The following PPP6R3 variants were observed in gnomAD, a reference collection of about 807,000 sequenced individuals.
The protein encoded by PPP6R3 is serine/threonine-protein phosphatase 6 regulatory subunit 3.
PPP6R3 carries 38 observed loss-of-function variants against 110.7 expected under a neutral mutation model. The ratio of observed to expected loss-of-function variants is 0.34; its 90% CI spans 0.26 to 0.45. The LOEUF is 0.45. Ranked by LOEUF, PPP6R3 falls within the 20% of genes least tolerant of loss-of-function variation. The probability of loss-of-function intolerance (pLI) is 1.00; values close to 1 mark genes in which losing one functional copy is unlikely to be tolerated. For synonymous variants in PPP6R3, 369 were observed against 373.5 expected, an observed-to-expected ratio of 0.99 and a Z score of 0.14; for missense variants, 870 against 1,062.4, an observed-to-expected ratio of 0.82 and a Z score of 2.52.
chr11:68,533,176 A>G (rs187999379), intron 2 of PPP6R3, among the ~76,000 whole-genome samples: 1 of 152,320 alleles, frequency 6.6e-6, no homozygotes, highest in African/African-American at 2.4e-5. Flanking sequence ...TCTACTTGAA[A>G]GAGTACACAT....
At chr11:68,467,018 G>A (rs540140471) in intron 1 of PPP6R3, among the ~76,000 whole-genome samples, 3 of 152,354 alleles carry the variant, frequency 2.0e-5, no homozygotes, top group African/African-American at 7.2e-5. Flanking sequence ...TGGGATTACA[G>A]GCGTGAGCCG....
At chr11:68,606,608 G>C (rs371558012) in intron 22 of PPP6R3, among the ~76,000 whole-genome samples, 6 of 151,336 alleles carry the variant, frequency 4.0e-5, no homozygotes, top group African/African-American at 1.5e-4. Flanking sequence ...GAGCCACCGC[G>C]CCTGGCAATG....
At chr11:68,569,261 C>CA (rs1158955347) in intron 10 of PPP6R3, among the ~76,000 whole-genome samples, 12 of 152,264 alleles carry the variant, frequency 7.9e-5, no homozygotes, top group Non-Finnish European at 1.3e-4. Context: ...GGCTCTAAAG[C>CA]AATACTTCAC....
At chr11:68,559,192 G>A (rs990951388) in intron 8 of PPP6R3, among the ~76,000 whole-genome samples, 2 of 152,214 alleles carry the variant, frequency 1.3e-5, no homozygotes, top group African/African-American at 4.8e-5. Flanking sequence ...TGCATGGGCA[G>A]GTGGCTTGAG....
intron 1 of PPP6R3, among the ~76,000 whole-genome samples, chr11:68,466,425 G>C (rs2098745696): frequency 6.6e-6 from 1 of 150,790 alleles, no homozygotes; most frequent in Admixed American, 6.6e-5. Context: ...GCCTAGCTAG[G>C]ACATTTTCTT....
rs753985313 is a variant in PPP6R3, at chr11:68,609,983, T to C, written c.2530T>C (p.Cys844Arg). ...EECPETAEAK[C>R]AAPRPPSSSP... ...GTGTCCCGAGACTGCAGAGGCGAAG[T>C]GCGCGGCGCCCAGGCCTCCCAGCAG... Residue 844 changes from cysteine (C) to arginine (R), a missense_variant, in exon 23 of 24, where the codon TGC becomes CGC. By Grantham distance (180) the Cys-to-Arg change is radical. Transcript: ENST00000393800. The C allele has an allele frequency of 6.2e-7, 1 of 1,614,018 alleles. No individual in the cohort carries two copies. Among genetic ancestry groups the C allele is most frequent in the Admixed American group, 1.7e-5 (1 of 60,012 alleles).
chr11:68,495,525 C>A (rs2099009913), intron 1 of PPP6R3, among the ~76,000 whole-genome samples: 2 of 152,208 alleles, frequency 1.3e-5, no homozygotes, highest in Admixed American at 1.3e-4. Flanking sequence ...TAGGCAACCA[C>A]TACTGTACTT....
chr11:68,596,713 T>C (rs1322434298), intron 19 of PPP6R3, among the ~76,000 whole-genome samples: 1 of 152,216 alleles, frequency 6.6e-6, no homozygotes, highest in Non-Finnish European at 1.5e-5. Context: ...TGTGCCCTGC[T>C]CCTTGCTAGG....
At chr11:68,578,290 G>A (rs76545081) in intron 14 of PPP6R3, among the ~76,000 whole-genome samples, 2 of 152,130 alleles carry the variant, frequency 1.3e-5, no homozygotes, top group African/African-American at 4.8e-5. Flanking sequence ...AACACAACTT[G>A]GTAAATGCAG....
At chr11:68,557,722 G>C (rs2099405034) in intron 7 of PPP6R3, among the ~76,000 whole-genome samples, 1 of 152,160 alleles carries the variant, frequency 6.6e-6, no homozygotes, top group African/African-American at 2.4e-5. Flanking sequence ...GTTTCACCAT[G>C]TTGGTCAGGC....
chr11:68,596,027 G>A (rs113847747), intron 18 of PPP6R3, 70 bp from the exon 19 acceptor site: 5 of 1,593,026 alleles, frequency 3.1e-6, no homozygotes, highest in African/African-American at 1.3e-5. Flanking sequence ...CTGGATGACT[G>A]TTAGAATTTT....
At chr11:68,534,981 A>G (rs1029240065) in intron 2 of PPP6R3, among the ~76,000 whole-genome samples, 1 of 152,136 alleles carries the variant, frequency 6.6e-6, no homozygotes, top group South Asian at 2.1e-4. Context: ...TGTTAGTTGT[A>G]TTAGTATCAA....
chr11:68,533,521 TAGTG>T (rs2099252388), intron 2 of PPP6R3, among the ~76,000 whole-genome samples: 1 of 151,674 alleles, frequency 6.6e-6, no homozygotes, highest in Admixed American at 6.6e-5. Context: ...CTGAGCAACA[TAGTG>T]AGAACCTGTC....
chr11:68,471,984 G>A lies in PPP6R3; in HGVS notation c.-158+11157G>A, dbSNP rs147054742. On this transcript the variant is annotated intron_variant, in intron 1 of 23. Coordinates refer to ENST00000393800, the MANE Select transcript of PPP6R3 (RefSeq NM_001164161.2). Reference sequence around the variant, plus strand: ...AGAATGAGGGGGTGTCAGGGCTGGCGGGGTGTGAGGAGAGAGGAGGAAGTA... The same window carrying A: ...AGAATGAGGGGGTGTCAGGGCTGGCAGGGTGTGAGGAGAGAGGAGGAAGTA... Among the ~76,000 whole-genome samples the A allele has an allele frequency of 3.7e-4, 57 of 152,210 alleles. 1 individual carries two copies. The highest frequency in any genetic ancestry group is 2.1e-4 in the South Asian group (1 of 4,818).
At chr11:68,581,573 A>G (rs1449361393) in intron 14 of PPP6R3, among the ~76,000 whole-genome samples, 2 of 152,370 alleles carry the variant, frequency 1.3e-5, no homozygotes, top group South Asian at 4.1e-4. Flanking sequence ...CTTGCCAGCC[A>G]AGTGGCCCGA....
chr11:68,537,914 G>T (rs761741281), intron 3 of PPP6R3, 23 bp downstream of exon 3: 2 of 1,547,894 alleles, frequency 1.3e-6, no homozygotes, highest in Middle Eastern at 1.7e-4. Context: ...AATCTTCTCT[G>T]TAGAGTGGGA....
chr11:68,477,741 A>AAAAAAAAAAATATAT, intron 1 of PPP6R3, among the ~76,000 whole-genome samples: 14 of 57,902 alleles, frequency 2.4e-4, no homozygotes, highest in African/African-American at 9.3e-4. Flanking sequence ...AAAAAAAAAA[A>AAAAAAAAAAATATAT]ATATATATAT....
At chr11:68,564,769 G>A (rs2099452190) in intron 9 of PPP6R3, among the ~76,000 whole-genome samples, 2 of 152,184 alleles carry the variant, frequency 1.3e-5, no homozygotes, top group Admixed American at 1.3e-4. Context: ...TTGAAATTAT[G>A]TTTTCTTACT....
At chr11:68,503,789 CATT>C (rs1197631148) in intron 1 of PPP6R3, among the ~76,000 whole-genome samples, 1 of 152,152 alleles carries the variant, frequency 6.6e-6, no homozygotes, top group Admixed American at 6.5e-5. Context: ...CCCTACAAAT[CATT>C]GAGAAGACCA....
Sources: allele counts gnomAD v4.1 joint callset (sites outside exome capture counted in the v4.1 genomes callset), GRCh38; gene constraint gnomAD v4.1.1; transcripts MANE v1.5; gene names NCBI Gene and HGNC (gene_info 2026-07-23, HGNC 2026-07-21).